Variants in CDIN1 observed in about 807,000 individuals in gnomAD.
CDIN1 encodes the protein CDAN1 interacting nuclease 1, also known as CDAN1-interacting nuclease 1.
A neutral mutation model predicts 45.3 loss-of-function variants in CDIN1; 33 were observed. The ratio of observed to expected loss-of-function variants is 0.73; its 90% CI spans 0.55 to 0.97. The LOEUF is 0.97. Among genes scored for constraint, CDIN1 ranks in the 50% least tolerant of loss-of-function variants. The pLI, the probability that CDIN1 is intolerant of heterozygous loss-of-function variation, is 0.00. For synonymous variants in CDIN1, 118 were observed against 124.4 expected, an observed-to-expected ratio of 0.95 and a Z score of 0.34; for missense variants, 303 against 339.4, an observed-to-expected ratio of 0.89 and a Z score of 0.84.
intron 8 of CDIN1, chr15:36,702,244 AG>A (rs2042671995): frequency 4.6e-6 from 3 of 651,238 alleles, no homozygotes; most frequent in Non-Finnish European, 8.4e-6. Context: ...CATGAAATTG[AG>A]GGTGGGAGGT....
At chr15:36,736,922 T>C (rs1276568166) in intron 10 of CDIN1, among the ~76,000 whole-genome samples, 1 of 151,970 alleles carries the variant, frequency 6.6e-6, no homozygotes, top group African/African-American at 2.4e-5. Flanking sequence ...ATCCCAGCAC[T>C]TTGGGAGGCT....
At chr15:36,659,984 T>TTTC (rs71126230) in intron 5 of CDIN1, among the ~76,000 whole-genome samples, 1 of 148,382 alleles carries the variant, frequency 6.7e-6, no homozygotes, top group African/African-American at 2.5e-5. Context: ...TTTTTTTTTT[T>TTTC]CTTAAAGAAC....
At position 36,646,026 on chromosome 15, in the gene CDIN1, C is replaced by T. The variant is rs186905415; in HGVS notation, c.212+739C>T. On this transcript the variant is annotated intron_variant, in intron 3 of 10. Transcript: ENST00000566621. ...TGTAATATGACTGAATAATTTATAA[C>T]ACTAAATGGTAATGGTTTGCATTAG... 4.7e-3 allele frequency among the ~76,000 whole-genome samples: 714 copies of T among 152,028 alleles called. 3 individuals carry two copies. The highest frequency in any genetic ancestry group is 6.6e-3 in the Non-Finnish European group (450 of 67,980).
intron 10 of CDIN1, among the ~76,000 whole-genome samples, chr15:36,758,500 G>A (rs1386942917): frequency 1.3e-5 from 2 of 152,112 alleles, no homozygotes; most frequent in Non-Finnish European, 2.9e-5. Context: ...GAAGTTGATT[G>A]CATGATCTTG....
chr15:36,717,138 G>A (rs1039893753), intron 10 of CDIN1, among the ~76,000 whole-genome samples: 1 of 152,096 alleles, frequency 6.6e-6, no homozygotes, highest in Non-Finnish European at 1.5e-5. Context: ...TCTGTTCTTC[G>A]AGAGCCTATA....
intron 10 of CDIN1, chr15:36,804,674 C>CTTTTTTTTTTTTTTTTTT (rs3045810): frequency 2.4e-5 from 2 of 84,890 alleles, no homozygotes; most frequent in Non-Finnish European, 4.1e-5. Context: ...CAGAGAATCA[C>CTTTTTTTTTTTTTTTTTT]TTTTTTTTTT....
At chr15:36,683,560 G>C (rs2041931392) in intron 5 of CDIN1, among the ~76,000 whole-genome samples, 1 of 26,546 alleles carries the variant, frequency 3.8e-5, no homozygotes, top group Non-Finnish European at 7.6e-5. Flanking sequence ...TGGCGATGTG[G>C]GCTCTTTTTT....
chr15:36,789,098 T>A (rs1207164832), intron 10 of CDIN1, among the ~76,000 whole-genome samples: 1 of 152,290 alleles, frequency 6.6e-6, no homozygotes, highest in Non-Finnish European at 1.5e-5. Flanking sequence ...TTTAAGAAAG[T>A]TTACGAATTT....
At chr15:36,678,865 T>A (rs2041747153) in intron 5 of CDIN1, among the ~76,000 whole-genome samples, 1 of 152,216 alleles carries the variant, frequency 6.6e-6, no homozygotes, top group Non-Finnish European at 1.5e-5. Flanking sequence ...TGCCTCAGTT[T>A]CTTCTAGCAG....
At chr15:36,747,343 C>CA in intron 10 of CDIN1, 1 of 198,750 alleles carries the variant, frequency 5.0e-6, no homozygotes, top group Admixed American at 6.0e-5. Context: ...CAAGGGCTCC[C>CA]AAAAAAAGGG....
At chr15:36,643,897 T>G (rs994478634) in intron 1 of CDIN1, among the ~76,000 whole-genome samples, 2 of 152,252 alleles carry the variant, frequency 1.3e-5, no homozygotes, top group African/African-American at 4.8e-5. Context: ...TCTCAATGAA[T>G]GAAGTGCATG....
chr15:36,758,253 A>C (rs8039155), intron 10 of CDIN1, among the ~76,000 whole-genome samples: 21,899 of 152,030 alleles, frequency 0.14, 1,774 homozygotes, highest in African/African-American at 0.21. Flanking sequence ...CCTCCCCTAC[A>C]CCCTCTACCT....
At chr15:36,621,008 T>C (rs2039161733) in intron 1 of CDIN1, among the ~76,000 whole-genome samples, 1 of 152,200 alleles carries the variant, frequency 6.6e-6, no homozygotes, top group Non-Finnish European at 1.5e-5. Flanking sequence ...ATATACTAAA[T>C]ACACAAGTTT....
At chr15:36,692,283 A>G in intron 7 of CDIN1, 108 bp downstream of exon 7, 1 of 995,698 alleles carries the variant, frequency 1.0e-6, no homozygotes, top group East Asian at 2.6e-5. Context: ...AACACATTTC[A>G]TACTCTTCTA....
Position 36,645,295 on chromosome 15 carries a change from C to A in CDIN1, c.212+8C>A. 1 of 1,543,928 alleles carries A rather than the reference C, an allele frequency of 6.5e-7. No homozygotes were observed. The highest frequency in any genetic ancestry group is 8.8e-7 in the Non-Finnish European group (1 of 1,140,442). ...TGAAAGTTATTACCAGAGGTATGAC[C>A]TTCCTGCCCCACTAGAGGGTATCAT... is the stretch of plus-strand genomic sequence containing the variant. On this transcript the variant is annotated splice_region_variant and intron_variant, in intron 3 of 10. Coordinates refer to ENST00000566621, the MANE Select transcript of CDIN1 (RefSeq NM_001321759.2).
At chr15:36,580,041 C>A in intron 1 of CDIN1, 80 bp downstream of exon 1, 1 of 1,223,254 alleles carries the variant, frequency 8.2e-7, no homozygotes, top group Non-Finnish European at 1.2e-6. Flanking sequence ...GCTTAGGAAC[C>A]ACGTGTCACA....
chr15:36,589,755 C>G lies in CDIN1; in HGVS notation c.101+9794C>G, dbSNP rs190576659. Among the ~76,000 whole-genome samples the G allele has an allele frequency of 3.4e-3, 519 of 152,280 alleles. 2 individuals carry two copies. Among genetic ancestry groups the G allele is most frequent in the African/African-American group, 0.012 (488 of 41,556 alleles). The stretch of plus-strand genomic sequence containing the variant: ...TCCTGACCTCGTGATCTGCCCGCCT[C>G]GGCCTCCCAAAGTGCTGGGATTACA... On this transcript the variant is annotated intron_variant, in intron 1 of 10. Transcript: ENST00000566621.
At position 36,805,898 on chromosome 15, in the gene CDIN1, T is replaced by A. The variant is rs553453817; in HGVS notation, c.717-2426T>A. Among the ~76,000 whole-genome samples the A allele has an allele frequency of 8.5e-5, 13 of 152,328 alleles. 1 individual carries two copies. The highest frequency in any genetic ancestry group is 2.9e-4 in the African/African-American group (12 of 41,572). ...CTGCTTTTGTCACCCAAAGACCACATAATTTGAAAGCGTATCAATCTCTAT... is the reference window on the plus strand; with the variant it reads ...CTGCTTTTGTCACCCAAAGACCACAAAATTTGAAAGCGTATCAATCTCTAT... On this transcript the variant is annotated intron_variant, in intron 10 of 10. Transcript: ENST00000566621.
At chr15:36,669,065 C>T (rs966800900) in intron 5 of CDIN1, 4 of 152,034 alleles carry the variant, frequency 2.6e-5, no homozygotes, top group Admixed American at 6.6e-5. Context: ...AGATCCTTTT[C>T]GGAAACCTCT....
Sources: allele counts gnomAD v4.1 joint callset (sites outside exome capture counted in the v4.1 genomes callset), GRCh38; gene constraint gnomAD v4.1.1; transcripts MANE v1.5; gene names NCBI Gene and HGNC (gene_info 2026-07-23, HGNC 2026-07-21).